NOL9: variants seen among roughly 807,000 people sequenced by gnomAD.
NOL9 encodes the protein nucleolar protein 9, also known as polynucleotide 5'-hydroxyl-kinase NOL9.
Under a neutral mutation model 67.9 loss-of-function variants are expected in NOL9, and 28 were observed. That is an observed-to-expected ratio of 0.41 (90% confidence interval 0.31 to 0.57). The LOEUF is 0.57. Among genes scored for constraint, NOL9 ranks in the 20% least tolerant of loss-of-function variants. NOL9 has a pLI of 0.25. For synonymous variants in NOL9, 356 were observed against 352.2 expected, an observed-to-expected ratio of 1.01 and a Z score of -0.12; for missense variants, 777 against 897.0, an observed-to-expected ratio of 0.87 and a Z score of 1.71.
Position 6,525,072 on chromosome 1 carries a change from A to C in NOL9, c.*782T>G, listed in dbSNP as rs1410148405. The C allele has an allele frequency of 1.3e-5, 2 of 151,148 alleles. No individual in the cohort carries two copies. The highest frequency in any genetic ancestry group is 2.4e-5 in the African/African-American group (1 of 41,378). 9.4% of individuals were successfully genotyped at this position (151,148 alleles called of 1,614,324 possible). On this transcript the variant is annotated 3_prime_UTR_variant, in exon 12 of 12. Coordinates refer to ENST00000377705, the MANE Select transcript of NOL9 (RefSeq NM_024654.5). ...TTCCAGATTTGAAAGAAATTTCCTC[A>C]GCATAAAACCTCAGGATTAAAAAAA...
chr1:6,549,599 G>C lies in NOL9; in HGVS notation c.716C>G (p.Pro239Arg), dbSNP rs144983671. The C allele has an allele frequency of 6.2e-7, 1 of 1,614,062 alleles. No homozygotes were observed. Among genetic ancestry groups the C allele is most frequent in the Non-Finnish European group, 8.5e-7 (1 of 1,180,004 alleles). ...TATVNFITSY[P>R]GSSYIFVQES... is the part of the protein sequence containing the mutation. The stretch of plus-strand genomic sequence containing the variant: ...TTGCACAAAAATGTAGGATGAACCC[G>C]GATAGCTGGTTATGAAGTTTACAGT... The change falls in exon 3 of 12, where the codon CCG becomes CGG. Residue 239 changes from proline to arginine, a missense_variant. Transcript: ENST00000377705.
chr1:6,548,025 C>A, intron 3 of NOL9: 2 of 282,018 alleles, frequency 7.1e-6, no homozygotes, highest in South Asian at 3.9e-5. Context: ...TGTCCCGAAC[C>A]CCTGGTAATA....
intron 2 of NOL9, 122 bp from the exon 3 acceptor site, chr1:6,549,820 C>G: frequency 8.3e-7 from 1 of 1,206,648 alleles, no homozygotes; most frequent in Non-Finnish European, 1.2e-6. Flanking sequence ...CGGTTGAGAG[C>G]CTTTTTCAGG....
Position 6,532,470 on chromosome 1 carries a change from T to G in NOL9, c.1528A>C (p.Arg510=), listed in dbSNP as rs774941561. 6.2e-7 allele frequency: 1 copy of G among 1,605,742 alleles called. No homozygotes were observed. The highest frequency in any genetic ancestry group is 1.3e-5 in the African/African-American group (1 of 74,622). The change falls in exon 8 of 12, where the codon AGA becomes CGA. Residue 510 remains arginine (R), a synonymous_variant. Coordinates refer to ENST00000377705, the MANE Select transcript of NOL9 (RefSeq NM_024654.5). ...YTDFAFRITP[R]NRESHNKILR... is the part of the protein sequence containing the mutation. Reference sequence around the variant, plus strand: ...CAAATGAGGGTTAGTTACCTATTTCTTGGAGTTATTCTGAATGCAAAGTCT... The same window carrying G: ...CAAATGAGGGTTAGTTACCTATTTCGTGGAGTTATTCTGAATGCAAAGTCT...
Position 6,541,825 on chromosome 1 carries a change from C to A in NOL9, c.1075+5G>T, listed in dbSNP as rs1639297762. ...CAAGACATTTGAGAAATATGTAATA[C>A]ATACCCAGAACTGGTTCTGTAATAT... On this transcript the variant is annotated splice_donor_5th_base_variant and intron_variant, in intron 6 of 11. Coordinates refer to ENST00000377705, the MANE Select transcript of NOL9 (RefSeq NM_024654.5). 1 of 1,548,034 alleles carries A rather than the reference C, an allele frequency of 6.5e-7. No homozygotes were observed. The highest frequency in any genetic ancestry group is 1.2e-5 in the South Asian group (1 of 83,804).
intron 5 of NOL9, 124 bp downstream of exon 5, chr1:6,544,702 G>C: frequency 3.2e-6 from 3 of 924,658 alleles, no homozygotes; most frequent in South Asian, 1.6e-5. Context: ...TGCTTCAGCT[G>C]GGCAGCTTTA....
At position 6,554,410 on chromosome 1, in the gene NOL9, G is replaced by A. The variant is rs1639624078; in HGVS notation, c.93C>T (p.Arg31=). ...GGCTCCCGAGCCGGCGGCGGGGCCG[G>A]CGGCTGAGGATGAGCTGGGGCCGGG... The part of the protein sequence containing the change: ...RKARPQLILS[R]RPRRRLGSLR... The change falls in exon 1 of 12, where the codon CGC becomes CGT. Residue 31 remains arginine, a synonymous_variant. Transcript: ENST00000377705. 1 of 1,512,558 alleles carries A rather than the reference G, an allele frequency of 6.6e-7. No homozygotes were observed. The highest frequency in any genetic ancestry group is 8.7e-7 in the Non-Finnish European group (1 of 1,144,924). The allele number at this position is 1,512,558 out of a possible 1,614,324, so 93.7% of individuals were successfully genotyped here.
intron 5 of NOL9, among the ~76,000 whole-genome samples, chr1:6,543,160 C>G (rs1425802747): frequency 6.6e-6 from 1 of 151,378 alleles, no homozygotes; most frequent in African/African-American, 2.4e-5. Context: ...TCCCAAAGTG[C>G]TGGGATTACA....
chr1:6,530,834 C>A (rs928638419), intron 9 of NOL9, among the ~76,000 whole-genome samples: 2 of 152,236 alleles, frequency 1.3e-5, no homozygotes, highest in Admixed American at 6.5e-5. Flanking sequence ...ACAGAGCAAG[C>A]GCTCAAAACC....
chr1:6,541,565 T>C (rs1443631829), intron 6 of NOL9, among the ~76,000 whole-genome samples: 1 of 152,224 alleles, frequency 6.6e-6, no homozygotes, highest in Non-Finnish European at 1.5e-5. Flanking sequence ...CATGTGTTTC[T>C]AATTTACATA....
rs1025295935 is a variant in NOL9 at position 6,522,245 on chromosome 1, T to C, written c.*3609A>G. ...CCTGTAATCCCGGATACTTTGAAAATTACATACAAAAATTACTAAGAGGCC... is the reference window on the plus strand; with the variant it reads ...CCTGTAATCCCGGATACTTTGAAAACTACATACAAAAATTACTAAGAGGCC... On this transcript the variant is annotated 3_prime_UTR_variant, in exon 12 of 12. Transcript: ENST00000377705. The C allele has an allele frequency of 6.7e-6, 1 of 150,036 alleles. No homozygotes were observed. Among genetic ancestry groups the C allele is most frequent in the African/African-American group, 2.5e-5 (1 of 40,586 alleles). The allele number at this position is 150,036 out of a possible 1,614,324, so 9.3% of individuals were successfully genotyped here. A position where few individuals can be genotyped will look rare whatever the true frequency, so the allele number is the denominator to read the frequency against.
chr1:6,546,904 T>C (rs1430173188), intron 3 of NOL9, among the ~76,000 whole-genome samples: 1 of 152,214 alleles, frequency 6.6e-6, no homozygotes, highest in Non-Finnish European at 1.5e-5. Flanking sequence ...CCCAGGCTCT[T>C]GACCCCATTC....
intron 11 of NOL9, among the ~76,000 whole-genome samples, chr1:6,526,446 T>G (rs774099581): frequency 6.6e-6 from 1 of 152,044 alleles, no homozygotes; most frequent in African/African-American, 2.4e-5. Context: ...CAACACAACC[T>G]ACTCCTATGT....
intron 6 of NOL9, among the ~76,000 whole-genome samples, chr1:6,536,206 C>T (rs191922777): frequency 2.6e-5 from 4 of 151,784 alleles, no homozygotes; most frequent in Admixed American, 1.3e-4. Flanking sequence ...ATTAGCCGGG[C>T]GTGGTGGCAG....
chr1:6,526,637 C>T, intron 11 of NOL9, 59 bp downstream of exon 11: 1 of 1,526,066 alleles, frequency 6.6e-7, no homozygotes, highest in Non-Finnish European at 8.8e-7. Context: ...TACTTCAGCT[C>T]CTCACTTCTG....
rs764787165 is a variant in NOL9, at chr1:6,545,226, T to C, written c.745-46A>G. 4.5e-6 allele frequency: 7 copies of C among 1,566,388 alleles called. No individual in the cohort carries two copies. In the South Asian group the frequency reaches 8.0e-5, roughly 18 times the overall value. Reference sequence around the variant, plus strand: ...TTTAAGGTGAAAAAATGCATATTTTTTTCTTCAGTACTAAATTAATCAAGC... The same window carrying C: ...TTTAAGGTGAAAAAATGCATATTTTCTTCTTCAGTACTAAATTAATCAAGC... On this transcript the variant is annotated intron_variant, in intron 3 of 11. Transcript: ENST00000377705.
chr1:6,532,447 A>G lies in NOL9; in HGVS notation c.1535+16T>C, dbSNP rs370828327. 323 of 1,595,092 alleles carry G rather than the reference A, an allele frequency of 2.0e-4. No homozygotes were observed. Among genetic ancestry groups the G allele is most frequent in the Non-Finnish European group, 2.6e-4 (309 of 1,169,222 alleles). On this transcript the variant is annotated intron_variant, in intron 8 of 11. Coordinates refer to ENST00000377705, the MANE Select transcript of NOL9 (RefSeq NM_024654.5). ...GGAAGGAAAAATAATTCTTCAGCCA[A>G]ATGAGGGTTAGTTACCTATTTCTTG...
At chr1:6,547,644 C>G (rs1428874384) in intron 3 of NOL9, among the ~76,000 whole-genome samples, 3 of 152,028 alleles carry the variant, frequency 2.0e-5, no homozygotes, top group Non-Finnish European at 4.4e-5. Context: ...TGCTGGAGTC[C>G]AAGAGTTCGT....
At chr1:6,548,560 C>T (rs111891711) in intron 3 of NOL9, 12 of 358,342 alleles carry the variant, frequency 3.3e-5, no homozygotes, top group South Asian at 1.5e-4. Context: ...CTTTCCTTCT[C>T]GAGGAGGAGA....
Sources: gnomAD v4.1 joint callset for allele counts (sites outside exome capture counted in the v4.1 genomes callset) on GRCh38, gnomAD v4.1.1 for gene constraint, MANE v1.5 for transcripts, NCBI Gene and HGNC (gene_info 2026-07-23, HGNC 2026-07-21) for gene names.